SETD7: variants seen among roughly 807,000 people sequenced by gnomAD.
SETD7 encodes the protein SET domain containing 7, histone lysine methyltransferase.
Under a neutral mutation model 41.8 loss-of-function variants are expected in SETD7, and 16 were observed. The observed-to-expected ratio is 0.38, with a 90% CI of 0.26 to 0.58. SETD7 has a LOEUF of 0.58. Among genes scored for constraint, SETD7 ranks in the 20% least tolerant of loss-of-function variants. The pLI, the probability that SETD7 is intolerant of heterozygous loss-of-function variation, is 0.64. For synonymous variants in SETD7, 163 were observed against 169.7 expected (o/e 0.96, Z 0.31); for missense variants, 346 against 459.7 (o/e 0.75, Z 2.26).
intron 4 of SETD7, among the ~76,000 whole-genome samples, chr4:139,526,911 A>C (rs766419274): frequency 6.6e-6 from 1 of 152,244 alleles, no homozygotes; most frequent in Non-Finnish European, 1.5e-5. Context: ...TAGATATCAC[A>C]GTTTGTAGTT....
chr4:139,540,930 A>T (rs1414136316), intron 2 of SETD7, among the ~76,000 whole-genome samples: 2 of 152,198 alleles, frequency 1.3e-5, no homozygotes. Context: ...TCCTGCATAG[A>T]CTTGACACCT....
intron 7 of SETD7, among the ~76,000 whole-genome samples, chr4:139,514,216 C>T (rs1008190931): frequency 5.3e-5 from 8 of 151,740 alleles, no homozygotes; most frequent in African/African-American, 1.9e-4. Context: ...GACTGGGAGG[C>T]AGAGGTTGCA....
intron 2 of SETD7, chr4:139,546,490 A>G (rs1727951740): frequency 7.0e-6 from 2 of 285,684 alleles, no homozygotes; most frequent in Admixed American, 5.1e-5. Flanking sequence ...AACGCAATAG[A>G]GTGTGTGTGA....
At position 139,517,475 on chromosome 4, in the gene SETD7, C is replaced by CAAAA. The variant is rs56132171; in HGVS notation, c.920+406_920+409dup. Among the ~76,000 whole-genome samples, 342 of 133,972 alleles carry CAAAA rather than the reference C, an allele frequency of 2.6e-3. 3 individuals are homozygous for CAAAA. The highest frequency in any genetic ancestry group is 0.01 in the African/African-American group (318 of 31,712). 87.9% of individuals were successfully genotyped at this position (133,972 alleles called of 152,430 possible). A position where few individuals can be genotyped will look rare whatever the true frequency, so the allele number is the denominator to read the frequency against. On this transcript the variant is annotated intron_variant, in intron 7 of 7. Transcript: ENST00000274031. ...GGGCATCAAGAAGGAAAATCCATCTCAAAAAAAAAAAAAAAAAAAAAAAAA... is the reference window on the plus strand; with the variant it reads ...GGGCATCAAGAAGGAAAATCCATCTCAAAAAAAAAAAAAAAAAAAAAAAAAAAAA...
downstream of SETD7, among the ~76,000 whole-genome samples, chr4:139,503,885 C>T (rs143024919): frequency 3.5e-4 from 53 of 152,302 alleles, no homozygotes; most frequent in African/African-American, 1.3e-3. Context: ...CAGTGATTGG[C>T]TGAGTTTCCT....
At chr4:139,498,552 A>T (rs1473945083) in intron 7 of SETD7, among the ~76,000 whole-genome samples, 1 of 152,152 alleles carries the variant, frequency 6.6e-6, no homozygotes, top group Non-Finnish European at 1.5e-5. Flanking sequence ...CCCCTGTAAC[A>T]TGGTGTGCCC....
chr4:139,499,140 C>T (rs1057498987), intron 7 of SETD7, among the ~76,000 whole-genome samples: 1 of 152,196 alleles, frequency 6.6e-6, no homozygotes, highest in African/African-American at 2.4e-5. Context: ...ACTAAAGCTG[C>T]CTTTGCAAAA....
intron 2 of SETD7, among the ~76,000 whole-genome samples, chr4:139,545,413 C>T (rs760966004): frequency 6.6e-6 from 1 of 152,052 alleles, no homozygotes; most frequent in Non-Finnish European, 1.5e-5. Context: ...AGATGTGAGC[C>T]AACATGCCCA....
chr4:139,513,419 C>CAAA (rs201888132), intron 7 of SETD7, among the ~76,000 whole-genome samples: 2 of 83,370 alleles, frequency 2.4e-5, no homozygotes, highest in African/African-American at 4.9e-5. Flanking sequence ...GACTTTGTCT[C>CAAA]AAAAAAAAAA....
At position 139,534,459 on chromosome 4, in the gene SETD7, C is replaced by T. The variant is rs111399055; in HGVS notation, c.171-1093G>A. Among the ~76,000 whole-genome samples the T allele has an allele frequency of 8.5e-3, 1,297 of 152,158 alleles. 19 individuals carry two copies. Among genetic ancestry groups the T allele is most frequent in the African/African-American group, 0.029 (1,203 of 41,510 alleles). ...CTGGAGTGCAGTGGCATGATCATGGCTCACTGCAGCCTCGACCTCCTGGGG... is the reference window on the plus strand; with the variant it reads ...CTGGAGTGCAGTGGCATGATCATGGTTCACTGCAGCCTCGACCTCCTGGGG... On this transcript the variant is annotated intron_variant, in intron 2 of 7. Coordinates refer to ENST00000274031, the MANE Select transcript of SETD7 (RefSeq NM_030648.4).
chr4:139,530,234 C>T (rs1031276032), intron 3 of SETD7, among the ~76,000 whole-genome samples: 3 of 151,094 alleles, frequency 2.0e-5, no homozygotes, highest in African/African-American at 7.3e-5. Context: ...TTTGATTTAA[C>T]AATAGTAATG....
At chr4:139,540,817 T>C (rs1233019214) in intron 2 of SETD7, among the ~76,000 whole-genome samples, 4 of 152,184 alleles carry the variant, frequency 2.6e-5, no homozygotes, top group African/African-American at 9.7e-5. Flanking sequence ...AAAGAAACTT[T>C]TGCCGCATGT....
intron 2 of SETD7, among the ~76,000 whole-genome samples, chr4:139,542,252 AG>A (rs1376374892): frequency 6.6e-6 from 1 of 152,220 alleles, no homozygotes; most frequent in East Asian, 1.9e-4. Context: ...AGAAGGCAGG[AG>A]GGAAGGATGG....
At chr4:139,556,015 G>T in intron 1 of SETD7, 83 bp downstream of exon 1, 2 of 1,397,654 alleles carry the variant, frequency 1.4e-6, no homozygotes, top group Non-Finnish European at 1.9e-6. Flanking sequence ...GGGGCCCGGC[G>T]CCGCGCTGTT....
At position 139,517,998 on chromosome 4, in the gene SETD7, A is replaced by C; in HGVS notation, c.807T>G (p.Leu269=). ...DWALNGNTLS[L]DEETVIDVPE... ...GCACATCAATGACCGTTTCTTCATC[A>C]AGGGAGAGGGTGTTCCCATTAAGGG... Residue 269 remains leucine, a synonymous_variant, in exon 7 of 8, where the codon CTT becomes CTG. Transcript: ENST00000274031. 1 of 1,614,078 alleles carries C rather than the reference A, an allele frequency of 6.2e-7. No individual in the cohort carries two copies. Among genetic ancestry groups the C allele is most frequent in the Non-Finnish European group, 8.5e-7 (1 of 1,179,964 alleles).
Position 139,549,774 on chromosome 4 carries a change from TA to T in SETD7, c.41-2726del, listed in dbSNP as rs35804679. 9.8e-3 allele frequency among the ~76,000 whole-genome samples: 1,470 copies of T among 150,106 alleles called. 16 individuals are homozygous for T. The highest frequency in any genetic ancestry group is 0.02 in the African/African-American group (817 of 41,008). On this transcript the variant is annotated intron_variant, in intron 1 of 7. Transcript: ENST00000274031. ...TAGACATCACCACAACTGGCTAATT[TA>T]AAAAAAAAAATTTTTTTTTGAGACA...
intron 7 of SETD7, among the ~76,000 whole-genome samples, chr4:139,514,057 T>C (rs1431314726): frequency 2.0e-5 from 3 of 152,166 alleles, no homozygotes; most frequent in African/African-American, 7.2e-5. Context: ...CTGAGGCGGA[T>C]AGATCACCTG....
chr4:139,550,084 T>A (rs1220711554), intron 1 of SETD7, among the ~76,000 whole-genome samples: 1 of 152,178 alleles, frequency 6.6e-6, no homozygotes, highest in South Asian at 2.1e-4. Context: ...AGGGTCTCAC[T>A]GTGTTGCCCA....
intron 3 of SETD7, 123 bp downstream of exon 3, chr4:139,533,042 G>A (rs1432466963): frequency 1.7e-5 from 13 of 786,272 alleles, no homozygotes; most frequent in Non-Finnish European, 2.8e-5. Flanking sequence ...AACTCTTGGT[G>A]TCAGCTGTGG....
Sources: allele counts gnomAD v4.1 joint callset (sites outside exome capture counted in the v4.1 genomes callset), GRCh38; gene constraint gnomAD v4.1.1; transcripts MANE v1.5; gene names NCBI Gene and HGNC (gene_info 2026-07-23, HGNC 2026-07-21).